Variants in TBC1D4 observed in about 807,000 individuals in gnomAD.
TBC1D4 encodes the protein TBC (Tre-2, BUB2, CDC16) domain-containing protein.
In TBC1D4, 121 loss-of-function variants were observed where a neutral mutation model predicts 142.5. That is an observed-to-expected ratio of 0.85 (90% CI 0.73 to 0.99). TBC1D4 has a LOEUF of 0.99. Among genes scored for constraint, TBC1D4 ranks in the 50% least tolerant of loss-of-function variants. The pLI is 0.00. For synonymous variants in TBC1D4, 630 were observed against 628.2 expected (o/e 1.00, Z -0.04); for missense variants, 1,475 against 1,606.6 (o/e 0.92, Z 1.40).
chr13:75,350,017 C>T (rs1298752852), intron 4 of TBC1D4, among the ~76,000 whole-genome samples: 1 of 152,136 alleles, frequency 6.6e-6, no homozygotes, highest in Non-Finnish European at 1.5e-5. Flanking sequence ...TTAATCTAGC[C>T]TTTTTATTTC....
chr13:75,481,209 G>GCCACCCCCAACCC, intron 1 of TBC1D4, 61 bp downstream of exon 1: 1 of 731,688 alleles, frequency 1.4e-6, no homozygotes, highest in Non-Finnish European at 2.2e-6. Context: ...CGCCCCTCCC[G>GCCACCCCCAACCC]CCCTGCTCCC....
chr13:75,464,854 G>T (rs945442195), intron 1 of TBC1D4, among the ~76,000 whole-genome samples: 1 of 152,212 alleles, frequency 6.6e-6, no homozygotes, highest in East Asian at 1.9e-4. Flanking sequence ...ACAAGATTTT[G>T]TTAGGAAAAC....
intron 20 of TBC1D4, among the ~76,000 whole-genome samples, chr13:75,287,607 A>G (rs968975353): frequency 7.9e-5 from 12 of 151,710 alleles, no homozygotes; most frequent in Admixed American, 4.6e-4. Context: ...AAAATGGACA[A>G]TATACTAACC....
intron 1 of TBC1D4, among the ~76,000 whole-genome samples, chr13:75,366,557 A>G (rs895291347): frequency 6.6e-6 from 1 of 152,196 alleles, no homozygotes; most frequent in Non-Finnish European, 1.5e-5. Context: ...GGGTCTCATT[A>G]TATTTAGAAA....
chr13:75,446,438 T>A (rs1201498073), intron 1 of TBC1D4, among the ~76,000 whole-genome samples: 1 of 152,164 alleles, frequency 6.6e-6, no homozygotes, highest in East Asian at 1.9e-4. Flanking sequence ...GGCTTCTCAT[T>A]AAGGCTATTA....
chr13:75,340,486 T>C (rs751466104), intron 7 of TBC1D4, among the ~76,000 whole-genome samples: 1 of 152,232 alleles, frequency 6.6e-6, no homozygotes, highest in Non-Finnish European at 1.5e-5. Context: ...AAAATGTTCA[T>C]ATGAATTGGA....
At position 75,364,959 on chromosome 13, in the gene TBC1D4, T is replaced by A. The variant is rs143653933; in HGVS notation, c.499-2352A>T. On this transcript the variant is annotated intron_variant, in intron 1 of 20. Transcript: ENST00000377636. ...CAGAGTTCCATTCTACAATTGAGAT[T>A]GCACATAAAGTCAATTCAACCTTAA... Among the ~76,000 whole-genome samples, 349 of 152,334 alleles carry A rather than the reference T, an allele frequency of 2.3e-3. 2 individuals carry two copies. The highest frequency in any genetic ancestry group is 4.8e-3 in the Admixed American group (73 of 15,308).
chr13:75,416,971 T>G (rs1885945518), intron 1 of TBC1D4, among the ~76,000 whole-genome samples: 1 of 152,212 alleles, frequency 6.6e-6, no homozygotes, highest in East Asian at 1.9e-4. Context: ...TGGTTTACTG[T>G]GCAGATGCTC....
At chr13:75,317,464 CTT>C (rs973775446) in intron 12 of TBC1D4, among the ~76,000 whole-genome samples, 21 of 152,248 alleles carry the variant, frequency 1.4e-4, no homozygotes, top group African/African-American at 5.1e-4. Context: ...AATGTATACA[CTT>C]TTAACTGTAA....
At chr13:75,414,030 G>C (rs551803206) in intron 1 of TBC1D4, among the ~76,000 whole-genome samples, 1 of 152,272 alleles carries the variant, frequency 6.6e-6, no homozygotes, top group East Asian at 1.9e-4. Flanking sequence ...CTTGTGTTTG[G>C]AGTGATGTAC....
At chr13:75,480,873 G>GCACACACACACACACACA (rs71657792) in intron 1 of TBC1D4, among the ~76,000 whole-genome samples, 4 of 98,788 alleles carry the variant, frequency 4.0e-5, no homozygotes, top group African/African-American at 1.4e-4. Context: ...GCGCGCACAC[G>GCACACACACACACACACA]CACGCACACA....
intron 1 of TBC1D4, among the ~76,000 whole-genome samples, chr13:75,422,225 CT>C (rs574781981): frequency 6.6e-6 from 1 of 152,028 alleles, no homozygotes; most frequent in South Asian, 2.1e-4. Context: ...CATGGAGTTC[CT>C]TGTCATTTTG....
At chr13:75,366,951 A>G in intron 1 of TBC1D4, 2 of 985,430 alleles carry the variant, frequency 2.0e-6, no homozygotes, top group Non-Finnish European at 2.4e-6. Context: ...GGAGGTGGTC[A>G]CGAAGAGCAA....
At chr13:75,411,065 A>T (rs1885637582) in intron 1 of TBC1D4, among the ~76,000 whole-genome samples, 1 of 152,158 alleles carries the variant, frequency 6.6e-6, no homozygotes, top group Non-Finnish European at 1.5e-5. Flanking sequence ...GGCCACAGAG[A>T]TAAAAAAGCC....
At chr13:75,325,422 T>C (rs1277689106) in intron 10 of TBC1D4, among the ~76,000 whole-genome samples, 4 of 152,042 alleles carry the variant, frequency 2.6e-5, no homozygotes. Context: ...GTGTTTTTTT[T>C]TTTCTCTCCA....
At chr13:75,334,034 G>A (rs1440146387) in intron 8 of TBC1D4, among the ~76,000 whole-genome samples, 1 of 152,086 alleles carries the variant, frequency 6.6e-6, no homozygotes, top group Non-Finnish European at 1.5e-5. Context: ...ATCACTTGGT[G>A]GTGCCTGCCA....
chr13:75,324,297 A>T lies in TBC1D4; in HGVS notation c.2138T>A (p.Phe713Tyr). 6.2e-7 allele frequency: 1 copy of T among 1,614,014 alleles called. No homozygotes were observed. Among genetic ancestry groups the T allele is most frequent in the Non-Finnish European group, 8.5e-7 (1 of 1,179,908 alleles). The change falls in exon 11 of 21, where the codon TTC (phenylalanine) becomes TAC (tyrosine). Residue 713 changes from phenylalanine to tyrosine, a missense_variant. Transcript: ENST00000377636. Reference sequence around the variant, plus strand: ...TGAATTCTGGTAAAAGCTTTTCAGGAAAGAGGGGGCAGTGAAGGAAGGGGC... The same window carrying T: ...TGAATTCTGGTAAAAGCTTTTCAGGTAAGAGGGGGCAGTGAAGGAAGGGGC... ...FSAPSFTAPS[F>Y]LKSFYQNSGR...
chr13:75,326,308 T>C lies in TBC1D4; in HGVS notation c.1922A>G (p.His641Arg). Reference protein sequence around the residue: ...SDSPQFRRRAHTFSHPPSSTK... With the variant: ...SDSPQFRRRARTFSHPPSSTK... ...GCTTGAAGGTGGGTGGCTGAACGTG[T>C]GTGCCCGTCTTCGAAACTGCGGGGA... The change falls in exon 10 of 21, where the codon CAC (histidine) becomes CGC (arginine). Residue 641 changes from histidine to arginine, a missense_variant. This residue lies in a region of TBC1D4 where 1,227 missense variants were observed against 1,267.7 expected (regional missense o/e 0.97). Transcript: ENST00000377636. 1 of 1,614,176 alleles carries C rather than the reference T, an allele frequency of 6.2e-7. No homozygotes were observed. The highest frequency in any genetic ancestry group is 2.2e-5 in the East Asian group (1 of 44,866).
chr13:75,422,787 A>G (rs1448888369), intron 1 of TBC1D4, among the ~76,000 whole-genome samples: 1 of 152,170 alleles, frequency 6.6e-6, no homozygotes, highest in African/African-American at 2.4e-5. Flanking sequence ...AATGTCACAG[A>G]ATATTTGGGA....
Sources: allele counts gnomAD v4.1 joint callset (sites outside exome capture counted in the v4.1 genomes callset), GRCh38; gene constraint gnomAD v4.1.1; regional missense constraint gnomAD v4.1.1; transcripts MANE v1.5; gene names NCBI Gene and HGNC (gene_info 2026-07-23, HGNC 2026-07-21).